The following CDR2L variants were observed in gnomAD, a reference collection of about 807,000 sequenced individuals.
CDR2L encodes cerebellar degeneration related protein 2 like.
Under a neutral mutation model 36.1 loss-of-function variants are expected in CDR2L, and 19 were observed. The observed-to-expected ratio is 0.53, with a 90% CI of 0.37 to 0.77. The LOEUF (loss-of-function observed/expected upper bound fraction) is 0.77. Ranked by LOEUF, CDR2L falls within the 30% of genes least tolerant of loss-of-function variation. The probability of loss-of-function intolerance (pLI) is 0.00; values close to 1 mark genes in which losing one functional copy is unlikely to be tolerated. For synonymous variants in CDR2L, 285 were observed against 280.4 expected, an observed-to-expected ratio of 1.02 and a Z score of -0.16; for missense variants, 575 against 627.2, an observed-to-expected ratio of 0.92 and a Z score of 0.89.
Position 75,003,796 on chromosome 17 carries a change from T to C in CDR2L, c.1120T>C (p.Cys374Arg), listed in dbSNP as rs2039884755. The change falls in exon 5 of 5, where the codon TGC becomes CGC. Residue 374 changes from cysteine to arginine, a missense_variant. Coordinates refer to ENST00000337231, the MANE Select transcript of CDR2L (RefSeq NM_014603.3). The part of the protein sequence containing the change: ...LEKYEELLSK[C>R]RQHGAGVRHA... ...GAAGTACGAGGAGCTGCTGAGCAAG[T>C]GCCGGCAGCACGGGGCCGGAGTGCG... is the stretch of plus-strand genomic sequence containing the variant. 6.5e-7 allele frequency: 1 copy of C among 1,533,204 alleles called. No individual in the cohort carries two copies. The highest frequency in any genetic ancestry group is 2.1e-5 in the Admixed American group (1 of 48,422). 95.0% of individuals were successfully genotyped at this position (1,533,204 alleles called of 1,614,324 possible).
At chr17:74,997,095 T>G (rs1477774309) in intron 1 of CDR2L, among the ~76,000 whole-genome samples, 3 of 140,268 alleles carry the variant, frequency 2.1e-5, no homozygotes, top group Non-Finnish European at 3.1e-5. Context: ...TTTTTTTTTT[T>G]TGAGACTGAG....
chr17:75,004,141 G>C lies in CDR2L; in HGVS notation c.*67G>C, dbSNP rs1249571036. On this transcript the variant is annotated 3_prime_UTR_variant, in exon 5 of 5. Coordinates refer to ENST00000337231, the MANE Select transcript of CDR2L (RefSeq NM_014603.3). ...GGGTCCCTCAGGCCTGGGCGGTGCA[G>C]CTTCCAGAGAGCGAGCGCCCTTTAG... 3.5e-6 allele frequency: 5 copies of C among 1,409,926 alleles called. No individual in the cohort carries two copies. Among genetic ancestry groups the C allele is most frequent in the South Asian group, 2.8e-5 (2 of 70,482 alleles). The allele number at this position is 1,409,926 out of a possible 1,614,324, so 87.3% of individuals were successfully genotyped here. A position where few individuals can be genotyped will look rare whatever the true frequency, so the allele number is the denominator to read the frequency against.
chr17:74,990,230 C>T (rs1271459923), intron 1 of CDR2L, among the ~76,000 whole-genome samples: 1 of 152,124 alleles, frequency 6.6e-6, no homozygotes, highest in Non-Finnish European at 1.5e-5. Flanking sequence ...TCTGGGCTGC[C>T]GGGAGGGATG....
At chr17:74,992,890 G>A (rs1363683884) in intron 1 of CDR2L, among the ~76,000 whole-genome samples, 2 of 152,192 alleles carry the variant, frequency 1.3e-5, no homozygotes, top group African/African-American at 4.8e-5. Flanking sequence ...GGAAGTGGGG[G>A]GTATGATGTT....
In CDR2L at chr17:74,989,854, C is replaced by T. The variant is rs888717116; in HGVS notation, c.79+1732C>T. Among the ~76,000 whole-genome samples the T allele has an allele frequency of 5.3e-5, 8 of 152,066 alleles. No individual in the cohort carries two copies. In the South Asian group the frequency reaches 1.0e-3, roughly 20 times the overall value. On this transcript the variant is annotated intron_variant, in intron 1 of 4. Coordinates refer to ENST00000337231, the MANE Select transcript of CDR2L (RefSeq NM_014603.3). The surrounding 1 kb of genome is among the most constrained non-coding windows in gnomAD (Gnocchi z 4.2). ...GGGTTTCACCATGTTGGCCAGGCTGCTCTCAAACTCCTGACCTCAGATGAT... is the reference window on the plus strand; with the variant it reads ...GGGTTTCACCATGTTGGCCAGGCTGTTCTCAAACTCCTGACCTCAGATGAT...
Position 74,988,033 on chromosome 17 carries a change from C to A in CDR2L, c.-11C>A. The A allele has an allele frequency of 6.6e-7, 1 of 1,513,456 alleles. No homozygotes were observed. The highest frequency in any genetic ancestry group is 8.8e-7 in the Non-Finnish European group (1 of 1,132,164). The allele number at this position is 1,513,456 out of a possible 1,614,324, so 93.8% of individuals were successfully genotyped here. A position where few individuals can be genotyped will look rare whatever the true frequency, so the allele number is the denominator to read the frequency against. On this transcript the variant is annotated 5_prime_UTR_variant, in exon 1 of 5. Transcript: ENST00000337231. ...GCGCCGCCGCAGCACCCGCCCGCCG[C>A]CCGCGGGGCCATGCGGAGAGCCGCC...
intron 2 of CDR2L, among the ~76,000 whole-genome samples, chr17:74,999,996 C>T (rs1396034996): frequency 1.3e-5 from 2 of 152,098 alleles, no homozygotes; most frequent in African/African-American, 4.8e-5. Flanking sequence ...TCAAAGCAAA[C>T]TTGTCCTTAG....
rs2039892446 is a variant in CDR2L, at chr17:75,004,639, C to T, written c.*565C>T. ...CCCACCTCCAGGGTCCTGACCAGGTCAGAGATGTCCCCTGCCATGCAGAGC... is the reference window on the plus strand; with the variant it reads ...CCCACCTCCAGGGTCCTGACCAGGTTAGAGATGTCCCCTGCCATGCAGAGC... On this transcript the variant is annotated 3_prime_UTR_variant, in exon 5 of 5. Coordinates refer to ENST00000337231, the MANE Select transcript of CDR2L (RefSeq NM_014603.3). 6.5e-6 allele frequency: 1 copy of T among 153,340 alleles called. No homozygotes were observed. The highest frequency in any genetic ancestry group is 6.5e-5 in the Admixed American group (1 of 15,334). The allele number at this position is 153,340 out of a possible 1,614,324, so 9.5% of individuals were successfully genotyped here.
intron 1 of CDR2L, among the ~76,000 whole-genome samples, chr17:74,991,072 G>A (rs2039793795): frequency 6.6e-6 from 1 of 152,166 alleles, no homozygotes; most frequent in Non-Finnish European, 1.5e-5. Flanking sequence ...GATTCTCGCT[G>A]TGTTCCCTCT....
chr17:74,990,210 G>A (rs2039788443), intron 1 of CDR2L, among the ~76,000 whole-genome samples: 2 of 152,308 alleles, frequency 1.3e-5, no homozygotes, highest in South Asian at 4.1e-4. Flanking sequence ...GCTGCGCTGG[G>A]TGGCCGTGCT....
At position 75,001,368 on chromosome 17, in the gene CDR2L, C is replaced by A; in HGVS notation, c.220C>A (p.Arg74=). The change falls in exon 3 of 5, where the codon CGG becomes AGG. Residue 74 remains arginine (R), a synonymous_variant. Transcript: ENST00000337231. ...EYLTKQLDTL[R]HVNEQHAKVY... is the part of the protein sequence containing the mutation. Reference sequence around the variant, plus strand: ...CCTAACCAAGCAGCTGGACACGCTGCGGCACGTGAACGAGCAGCACGCCAA... The same window carrying A: ...CCTAACCAAGCAGCTGGACACGCTGAGGCACGTGAACGAGCAGCACGCCAA... The A allele has an allele frequency of 1.2e-6, 2 of 1,610,112 alleles. No individual in the cohort carries two copies. The highest frequency in any genetic ancestry group is 1.7e-6 in the Non-Finnish European group (2 of 1,178,444).
intron 1 of CDR2L, among the ~76,000 whole-genome samples, chr17:74,996,517 A>G (rs2039826835): frequency 1.3e-5 from 2 of 151,972 alleles, no homozygotes; most frequent in African/African-American, 4.8e-5. Flanking sequence ...GGAGGATTGT[A>G]TCCACTCCAA....
At chr17:75,000,553 C>T (rs999602681) in intron 2 of CDR2L, among the ~76,000 whole-genome samples, 2 of 147,910 alleles carry the variant, frequency 1.4e-5, no homozygotes, top group African/African-American at 5.0e-5. Flanking sequence ...CCGCCTCAGC[C>T]TCCCAAAGTG....
rs1431548815 is a variant in CDR2L at position 74,999,420 on chromosome 17, A to G, written c.80-84A>G. ...TGGAGGCTCCCAGTGTCTTGGTTAC[A>G]TTGGGGTCACCTAGAGTAGATGCTC... is the stretch of plus-strand genomic sequence containing the variant. On this transcript the variant is annotated intron_variant, in intron 1 of 4. Coordinates refer to ENST00000337231, the MANE Select transcript of CDR2L (RefSeq NM_014603.3). 3 of 897,988 alleles carry G rather than the reference A, an allele frequency of 3.3e-6. No homozygotes were observed. In the African/African-American group the frequency reaches 5.0e-5, roughly 15 times the overall value. The allele number at this position is 897,988 out of a possible 1,614,324, so 55.6% of individuals were successfully genotyped here.
rs113287746 is a variant in CDR2L at position 74,999,288 on chromosome 17, G to GCACACACACACACA, written c.80-201_80-188dup. Among the ~76,000 whole-genome samples, 389 of 144,972 alleles carry GCACACACACACACA rather than the reference G, an allele frequency of 2.7e-3. 2 individuals are homozygous for GCACACACACACACA. Among genetic ancestry groups the GCACACACACACACA allele is most frequent in the East Asian group, 4.8e-3 (18 of 3,746 alleles). On this transcript the variant is annotated intron_variant, in intron 1 of 4. Transcript: ENST00000337231. ...TTTTGTTTGTTTTTTATTACATCTT[G>GCACACACACACACA]CACACACACACACACACACACACAC...
At position 75,002,508 on chromosome 17, in the gene CDR2L, C is replaced by T. The variant is rs2039873404; in HGVS notation, c.506+280C>T. On this transcript the variant is annotated intron_variant, in intron 4 of 4. Transcript: ENST00000337231. The surrounding 1 kb of genome is among the most constrained non-coding windows in gnomAD (Gnocchi z 4.1). ...AGGTTGTGTGTCTTATCCAAGGTCA[C>T]CTGTTTAGTAAGAGGCTCAGCCAGC... is the stretch of plus-strand genomic sequence containing the variant. 6.6e-6 allele frequency among the ~76,000 whole-genome samples: 1 copy of T among 152,192 alleles called. No individual in the cohort carries two copies. The highest frequency in any genetic ancestry group is 1.5e-5 in the Non-Finnish European group (1 of 68,036).
Position 75,003,713 on chromosome 17 carries a change from G to T in CDR2L, c.1037G>T (p.Arg346Leu). ...CTCACACTGCACGCCAACAGCGTGC[G>T]CAAGCGGGGCATGTCCATCCTGCGG... ...GNLTLHANSV[R>L]KRGMSILREV... Residue 346 changes from arginine to leucine, a missense_variant, in exon 5 of 5, where the codon CGC (arginine) becomes CTC (leucine). Physicochemically the swap from Arg to Leu is moderately radical, Grantham distance 102 (BLOSUM62 -2). Transcript: ENST00000337231. The T allele has an allele frequency of 6.8e-7, 1 of 1,464,950 alleles. No individual in the cohort carries two copies. Among genetic ancestry groups the T allele is most frequent in the Non-Finnish European group, 9.0e-7 (1 of 1,106,802 alleles). The allele number at this position is 1,464,950 out of a possible 1,614,324, so 90.7% of individuals were successfully genotyped here. A position where few individuals can be genotyped will look rare whatever the true frequency, so the allele number is the denominator to read the frequency against.
At chr17:75,001,612 T>A in intron 3 of CDR2L, 123 bp downstream of exon 3, 1 of 928,496 alleles carries the variant, frequency 1.1e-6, no homozygotes, top group Non-Finnish European at 1.5e-6. Flanking sequence ...GGGATGGGAG[T>A]GAGCTTGTCC....
chr17:75,000,896 C>T (rs890929692), intron 2 of CDR2L, among the ~76,000 whole-genome samples: 3 of 150,426 alleles, frequency 2.0e-5, no homozygotes, highest in Non-Finnish European at 3.0e-5. Flanking sequence ...CCAGCCTGGG[C>T]GAGAGAGCAA....
Sources: allele counts gnomAD v4.1 joint callset (sites outside exome capture counted in the v4.1 genomes callset), GRCh38; gene constraint gnomAD v4.1.1; non-coding constraint Gnocchi (gnomAD v3.1); transcripts MANE v1.5; gene names NCBI Gene and HGNC (gene_info 2026-07-23, HGNC 2026-07-21).